The following GTF3C1 variants were observed in gnomAD, a reference collection of about 807,000 sequenced individuals.
The protein encoded by GTF3C1 is general transcription factor IIIC subunit 1.
GTF3C1 carries 57 observed loss-of-function variants against 226.7 expected under a neutral mutation model. That is an observed-to-expected ratio of 0.25 (90% confidence interval 0.20 to 0.31). The LOEUF (loss-of-function observed/expected upper bound fraction) is 0.31. GTF3C1 is among the 10% of genes least tolerant of loss of function. GTF3C1 has a pLI of 1.00. For missense variants in GTF3C1, 2,217 were observed against 2,776.1 expected, an observed-to-expected ratio of 0.80 and a Z score of 4.53; for synonymous variants, 1,090 against 1,084.8, an observed-to-expected ratio of 1.00 and a Z score of -0.09.
At chr16:27,547,464 T>A (rs1461323449) in intron 1 of GTF3C1, among the ~76,000 whole-genome samples, 2 of 151,904 alleles carry the variant, frequency 1.3e-5, no homozygotes, top group African/African-American at 4.8e-5. Flanking sequence ...TTCTTCCGTG[T>A]TCCCAGCCTC....
At position 27,533,390 on chromosome 16, in the gene GTF3C1, G is replaced by A; in HGVS notation, c.753-3C>T. On this transcript the variant is annotated splice_polypyrimidine_tract_variant and splice_region_variant and intron_variant, in intron 4 of 36. Transcript: ENST00000356183. ...TGAGGATGTCGTATTTGCTCCTCCTGCAAGAAACACCGAGCAATTCGTTTT... is the reference window on the plus strand; with the variant it reads ...TGAGGATGTCGTATTTGCTCCTCCTACAAGAAACACCGAGCAATTCGTTTT... 2 of 1,549,786 alleles carry A rather than the reference G, an allele frequency of 1.3e-6. No homozygotes were observed. Among genetic ancestry groups the A allele is most frequent in the Non-Finnish European group, 1.8e-6 (2 of 1,121,454 alleles).
chr16:27,545,268 T>C, intron 2 of GTF3C1, 46 bp downstream of exon 2: 2 of 1,386,658 alleles, frequency 1.4e-6, no homozygotes, highest in South Asian at 2.3e-5. Context: ...TGAGCCACCG[T>C]ACCCGGCCAG....
chr16:27,488,951 GC>G, intron 21 of GTF3C1, 91 bp downstream of exon 21: 1 of 1,193,120 alleles, frequency 8.4e-7, no homozygotes, highest in African/African-American at 1.5e-5. Flanking sequence ...ACAAACGGAA[GC>G]CAGTATTTGT....
At chr16:27,505,701 C>T (rs1206047501) in intron 10 of GTF3C1, among the ~76,000 whole-genome samples, 198 bp downstream of exon 10, 1 of 152,244 alleles carries the variant, frequency 6.6e-6, no homozygotes, top group Non-Finnish European at 1.5e-5. Flanking sequence ...TGCAGACAAT[C>T]TCTGCGTAGG....
At chr16:27,511,134 T>C (rs925304148) in intron 7 of GTF3C1, among the ~76,000 whole-genome samples, 24 of 152,180 alleles carry the variant, frequency 1.6e-4, no homozygotes, top group African/African-American at 4.3e-4. Context: ...CTGAAGGAGA[T>C]TGGTGTGTAG....
rs770936591 is a variant in GTF3C1, at chr16:27,469,402, C to A, written c.4963G>T (p.Gly1655Cys). The A allele has an allele frequency of 1.2e-6, 2 of 1,613,774 alleles. No homozygotes were observed. The highest frequency in any genetic ancestry group is 2.2e-5 in the East Asian group (1 of 44,884). ...TTGAGGTTGCGGGTGCTGACGATGC[C>A]GGGGGAGTAGTAGCCCCTCATCAGC... ...YLLMRGYYSPGIVSTRNLNPN... is the reference protein window; with the variant it reads ...YLLMRGYYSPCIVSTRNLNPN... The change falls in exon 32 of 37, where the codon GGC becomes TGC. Residue 1655 changes from glycine to cysteine, a missense_variant. By Grantham distance (159) the Gly-to-Cys change is radical. This residue lies in a region of GTF3C1 where 455 missense variants were observed against 441.9 expected (regional missense o/e 1.03). Coordinates refer to ENST00000356183, the MANE Select transcript of GTF3C1 (RefSeq NM_001520.4). The surrounding 1 kb of genome is among the most constrained non-coding windows in gnomAD (Gnocchi z 4.5).
intron 27 of GTF3C1, among the ~76,000 whole-genome samples, chr16:27,480,427 G>C (rs1389398331): frequency 2.6e-5 from 4 of 152,118 alleles, no homozygotes. Flanking sequence ...CAATACAGTG[G>C]GTGAGACATA....
At chr16:27,533,685 T>C (rs2088956147) in intron 4 of GTF3C1, among the ~76,000 whole-genome samples, 1 of 152,224 alleles carries the variant, frequency 6.6e-6, no homozygotes, top group Non-Finnish European at 1.5e-5. Flanking sequence ...ATTTTTACAA[T>C]ACTTTTAAGT....
intron 5 of GTF3C1, among the ~76,000 whole-genome samples, chr16:27,529,123 A>G (rs1445787820): frequency 6.6e-6 from 1 of 152,088 alleles, no homozygotes; most frequent in Non-Finnish European, 1.5e-5. Flanking sequence ...TGGGCAGGAG[A>G]GAAAAAAAAG....
In GTF3C1 at chr16:27,497,823, T is replaced by C; in HGVS notation, c.2166-2A>G. 1 of 1,608,624 alleles carries C rather than the reference T, an allele frequency of 6.2e-7. No homozygotes were observed. The highest frequency in any genetic ancestry group is 8.5e-7 in the Non-Finnish European group (1 of 1,177,110). On this transcript the variant is annotated splice_acceptor_variant, in intron 13 of 36. Transcript: ENST00000356183. LOFTEE classifies it high-confidence loss of function. ...ACTGGAGGCTGGGAAGTTTTAACCC[T>C]GCAGTTCAAATAAACATGCAATAAT...
chr16:27,468,965 G>A (rs1213830973), intron 32 of GTF3C1, among the ~76,000 whole-genome samples: 7 of 152,292 alleles, frequency 4.6e-5, no homozygotes, highest in East Asian at 1.9e-4. Context: ...TGACAGGGCC[G>A]CCCGTGGAGA....
chr16:27,497,131 G>A (rs551944286), intron 14 of GTF3C1, among the ~76,000 whole-genome samples: 81 of 152,274 alleles, frequency 5.3e-4, no homozygotes, highest in African/African-American at 1.8e-3. Context: ...GCTATGGCCC[G>A]GAGAGGAGCT....
In GTF3C1 at chr16:27,497,743, T is replaced by A; in HGVS notation, c.2244A>T (p.Ser748=). 1 of 1,613,724 alleles carries A rather than the reference T, an allele frequency of 6.2e-7. No individual in the cohort carries two copies. Among genetic ancestry groups the A allele is most frequent in the Non-Finnish European group, 8.5e-7 (1 of 1,179,570 alleles). Residue 748 remains serine, a synonymous_variant, in exon 14 of 37, where the codon TCA becomes TCT. Transcript: ENST00000356183. ...DSQGKEGPSG[S]GDSQLSASSR... is the part of the protein sequence containing the mutation. ...AGGAAGCACTCAGCTGAGAGTCCCC[T>A]GATCCACTTGGGCCCTCTTTTCCTT...
intron 5 of GTF3C1, among the ~76,000 whole-genome samples, chr16:27,529,582 G>A (rs2088884758): frequency 6.6e-6 from 1 of 152,194 alleles, no homozygotes; most frequent in Admixed American, 6.5e-5. Flanking sequence ...CCCTGCAGGG[G>A]TGACCAACAG....
intron 6 of GTF3C1, among the ~76,000 whole-genome samples, chr16:27,513,933 G>C (rs1011182196): frequency 6.6e-5 from 10 of 152,146 alleles, no homozygotes; most frequent in Non-Finnish European, 1.0e-4. Context: ...ACTGAGGTCC[G>C]AGGAAAGTCA....
intron 16 of GTF3C1, among the ~76,000 whole-genome samples, 178 bp downstream of exon 16, chr16:27,494,585 C>T (rs752482280): frequency 1.3e-5 from 2 of 152,142 alleles, no homozygotes; most frequent in African/African-American, 2.4e-5. Context: ...TAATCTATCT[C>T]GAACAAATCC....
At chr16:27,502,783 T>C (rs1423419930) in intron 11 of GTF3C1, 76 bp downstream of exon 11, 1 of 1,461,774 alleles carries the variant, frequency 6.8e-7, no homozygotes, top group Non-Finnish European at 9.3e-7. Flanking sequence ...GTGGTGTCCA[T>C]GGCTTGTGAT....
intron 6 of GTF3C1, among the ~76,000 whole-genome samples, chr16:27,517,678 T>C (rs574922426): frequency 5.8e-4 from 88 of 152,314 alleles, no homozygotes; most frequent in African/African-American, 1.0e-3. Context: ...CATTCAGACA[T>C]TCTGAAGACC....
Position 27,488,249 on chromosome 16 carries a change from C to T in GTF3C1, c.3678G>A (p.Lys1226=). The part of the protein sequence containing the change: ...KRKRLKKDPG[K]KIKRKKKGEF... ...AACCTTTCTTCTTTCTCTTGATCTT[C>T]TTCCCAGGGTCCTTCTTCAGCCGCT... The change falls in exon 23 of 37, where the codon AAG becomes AAA. Residue 1226 remains lysine (K), a synonymous_variant. Coordinates refer to ENST00000356183, the MANE Select transcript of GTF3C1 (RefSeq NM_001520.4). The T allele has an allele frequency of 3.1e-6, 5 of 1,613,946 alleles. No homozygotes were observed. Among genetic ancestry groups the T allele is most frequent in the Non-Finnish European group, 4.2e-6 (5 of 1,179,916 alleles).
Sources: gnomAD v4.1 joint callset for allele counts (sites outside exome capture counted in the v4.1 genomes callset) on GRCh38, gnomAD v4.1.1 for gene constraint, gnomAD v4.1.1 regional missense constraint, Gnocchi (gnomAD v3.1) non-coding constraint, MANE v1.5 for transcripts, NCBI Gene and HGNC (gene_info 2026-07-23, HGNC 2026-07-21) for gene names.